Variants in SS18L1 observed in about 807,000 individuals in gnomAD.
SS18L1 encodes SS18L1 subunit of BAF chromatin remodeling complex.
A neutral mutation model predicts 70.3 loss-of-function variants in SS18L1; 32 were observed. The observed-to-expected ratio is 0.46, with a 90% CI of 0.34 to 0.61. The LOEUF (loss-of-function observed/expected upper bound fraction) is 0.61, where lower values mean the gene tolerates loss of function less well. Ranked by LOEUF, SS18L1 falls within the 20% of genes least tolerant of loss-of-function variation. The probability of loss-of-function intolerance (pLI) is 0.01; values close to 1 mark genes in which losing one functional copy is unlikely to be tolerated. For missense variants in SS18L1, 430 were observed against 542.1 expected (o/e 0.79, Z 2.05); for synonymous variants, 237 against 229.7 (o/e 1.03, Z -0.29).
chr20:62,174,017 TAAA>T lies in SS18L1; in HGVS notation c.1037-485_1037-483del, dbSNP rs59638414. Among the ~76,000 whole-genome samples the T allele has an allele frequency of 4.5e-5, 6 of 133,826 alleles. No homozygotes were observed. The Admixed American group carries it at 4.5e-4, about 10-fold the overall frequency. The allele number at this position is 133,826 out of a possible 152,430, so 87.8% of individuals were successfully genotyped here. The stretch of plus-strand genomic sequence containing the variant: ...TTGGGTGACAGAGTGACACCCTGCC[TAAA>T]AAAAAAAAAAAAAATTGGCCTCTAT... On this transcript the variant is annotated intron_variant, in intron 9 of 10. Coordinates refer to ENST00000331758, the MANE Select transcript of SS18L1 (RefSeq NM_198935.3). This position sits in a 1 kb window ranked among gnomAD's most constrained non-coding sequence, Gnocchi z 4.1.
Position 62,180,911 on chromosome 20 carries a change from T to A in SS18L1, c.*1703T>A, listed in dbSNP as rs1167513408. The A allele has an allele frequency of 5.8e-6, 1 of 172,518 alleles. No individual in the cohort carries two copies. Among genetic ancestry groups the A allele is most frequent in the Admixed American group, 6.4e-5 (1 of 15,676 alleles). The allele number at this position is 172,518 out of a possible 1,614,324, so 10.7% of individuals were successfully genotyped here. On this transcript the variant is annotated 3_prime_UTR_variant, in exon 11 of 11. Coordinates refer to ENST00000331758, the MANE Select transcript of SS18L1 (RefSeq NM_198935.3). ...ATTCCGTCTCAAAAAAATAAATAAA[T>A]AAATAAATAAATAAGTTAAAATTAA...
rs1216505929 is a variant in SS18L1 at position 62,174,638 on chromosome 20, T to C, written c.1158T>C (p.Tyr386=). 2.5e-6 allele frequency: 4 copies of C among 1,613,570 alleles called. No individual in the cohort carries two copies. The East Asian group carries it at 6.7e-5, about 27-fold the overall frequency. ...CCCAGCAGCAGCGGCCCTACGGCTA[T>C]GAACAGGCAAGCTTTCTGGATGTTT... The part of the protein sequence containing the change: ...PSAQQQRPYG[Y]EQGQYGNYQQ The change falls in exon 10 of 11, where the codon TAT becomes TAC. Residue 386 remains tyrosine, a synonymous_variant. Transcript: ENST00000331758. This position sits in a 1 kb window ranked among gnomAD's most constrained non-coding sequence, Gnocchi z 4.1.
At chr20:62,167,911 G>A (rs967802360) in intron 8 of SS18L1, among the ~76,000 whole-genome samples, 1 of 151,184 alleles carries the variant, frequency 6.6e-6, no homozygotes, top group African/African-American at 2.4e-5. Context: ...GAAATCCCAG[G>A]CTCAAGTGAT....
rs1329285413 is a variant in SS18L1, at chr20:62,164,182, T to C, written c.759T>C (p.Tyr253=). ...SQQYLGQEEY[Y]GEQYSHSQGA... is the part of the protein sequence containing the mutation. ...AGTACCTGGGCCAGGAGGAGTACTA[T>C]GGCGAGCAGTACAGCCACAGCCAGG... The change falls in exon 7 of 11, where the codon TAT becomes TAC. Residue 253 remains tyrosine, a synonymous_variant. Transcript: ENST00000331758. 1 of 1,549,984 alleles carries C rather than the reference T, an allele frequency of 6.5e-7. No individual in the cohort carries two copies. Among genetic ancestry groups the C allele is most frequent in the East Asian group, 2.4e-5 (1 of 40,912 alleles).
At chr20:62,150,528 A>G (rs1350160446) in intron 1 of SS18L1, among the ~76,000 whole-genome samples, 1 of 148,622 alleles carries the variant, frequency 6.7e-6, no homozygotes, top group East Asian at 2.2e-4. Context: ...CCCTGCATGT[A>G]GTGGCAGAAG....
Position 62,174,513 on chromosome 20 carries a change from T to C in SS18L1, c.1037-4T>C. On this transcript the variant is annotated splice_polypyrimidine_tract_variant and splice_region_variant and intron_variant, in intron 9 of 10. Transcript: ENST00000331758. The surrounding 1 kb of genome is among the most constrained non-coding windows in gnomAD (Gnocchi z 4.1). ...CGGCCTCACGGTTCCTGGTGTCTTC[T>C]CAGGGTCTGCCCAGGGAGCCCCGTC... 1 of 1,613,602 alleles carries C rather than the reference T, an allele frequency of 6.2e-7. No homozygotes were observed. Among genetic ancestry groups the C allele is most frequent in the Non-Finnish European group, 8.5e-7 (1 of 1,179,740 alleles).
At chr20:62,164,480 G>A (rs540033843) in intron 7 of SS18L1, among the ~76,000 whole-genome samples, 36 of 152,350 alleles carry the variant, frequency 2.4e-4, no homozygotes, top group African/African-American at 5.5e-4. Context: ...GGCACACACC[G>A]CTGCACTGGC....
intron 7 of SS18L1, among the ~76,000 whole-genome samples, chr20:62,164,700 C>T (rs905011565): frequency 6.6e-6 from 1 of 152,196 alleles, no homozygotes. Flanking sequence ...ACCTTTCAGT[C>T]TTTGCATAGT....
At chr20:62,148,006 G>A (rs1052142776) in intron 1 of SS18L1, among the ~76,000 whole-genome samples, 1 of 152,208 alleles carries the variant, frequency 6.6e-6, no homozygotes, top group Non-Finnish European at 1.5e-5. Flanking sequence ...GTGTTTGTAA[G>A]GTTAAAGCTG....
chr20:62,156,146 G>GC (rs1411095006), intron 1 of SS18L1, among the ~76,000 whole-genome samples: 3 of 152,210 alleles, frequency 2.0e-5, no homozygotes, highest in East Asian at 3.9e-4. Flanking sequence ...AGTGGCTTGC[G>GC]CCCCCCGGCC....
intron 10 of SS18L1, among the ~76,000 whole-genome samples, chr20:62,176,067 G>A (rs1170792760): frequency 1.3e-5 from 2 of 152,384 alleles, no homozygotes; most frequent in Non-Finnish European, 2.9e-5. Context: ...TCTGCATCCT[G>A]ATGTTAAATT....
At chr20:62,175,207 G>GT in intron 10 of SS18L1, 1 of 979,820 alleles carries the variant, frequency 1.0e-6, no homozygotes, top group Non-Finnish European at 1.2e-6. Flanking sequence ...CCCAGGAACA[G>GT]TGAGCAGGGC....
chr20:62,146,915 C>T (rs1426288810), intron 1 of SS18L1, among the ~76,000 whole-genome samples: 1 of 152,138 alleles, frequency 6.6e-6, no homozygotes, highest in Non-Finnish European at 1.5e-5. Flanking sequence ...CATGAGCCAC[C>T]ATGCCTGGCC....
intron 1 of SS18L1, among the ~76,000 whole-genome samples, chr20:62,145,701 A>G (rs746088978): frequency 1.3e-5 from 2 of 152,198 alleles, no homozygotes; most frequent in African/African-American, 2.4e-5. Flanking sequence ...CCTGCTGACC[A>G]TTGGAAATAG....
In SS18L1 at chr20:62,158,047, G is replaced by C. The variant is rs572547773; in HGVS notation, c.70-625G>C. Among the ~76,000 whole-genome samples the C allele has an allele frequency of 7.2e-4, 110 of 152,282 alleles. No homozygotes were observed. Among genetic ancestry groups the C allele is most frequent in the African/African-American group, 2.6e-3 (107 of 41,552 alleles). On this transcript the variant is annotated intron_variant, in intron 1 of 10. Coordinates refer to ENST00000331758, the MANE Select transcript of SS18L1 (RefSeq NM_198935.3). The surrounding 1 kb of genome is among the most constrained non-coding windows in gnomAD (Gnocchi z 4.5). ...TCCTTGGGAGGGGGCAGTTACCTGTGCCCCACCCTGTGTGGTTGCAATTCG... is the reference window on the plus strand; with the variant it reads ...TCCTTGGGAGGGGGCAGTTACCTGTCCCCCACCCTGTGTGGTTGCAATTCG...
chr20:62,163,303 C>CG (rs1180487830), intron 5 of SS18L1, among the ~76,000 whole-genome samples, 155 bp from the exon 6 acceptor site: 2 of 151,080 alleles, frequency 1.3e-5, no homozygotes, highest in Non-Finnish European at 3.0e-5. Flanking sequence ...GTGCAGGCCA[C>CG]GTAGGGGAGG....
At chr20:62,162,135 A>G (rs1185012040) in intron 4 of SS18L1, among the ~76,000 whole-genome samples, 1 of 152,246 alleles carries the variant, frequency 6.6e-6, no homozygotes, top group East Asian at 1.9e-4. Context: ...GACTGAGGAG[A>G]GAGGGTCACT....
intron 8 of SS18L1, among the ~76,000 whole-genome samples, chr20:62,171,197 C>T (rs867537334): frequency 3.3e-5 from 5 of 151,914 alleles, no homozygotes; most frequent in Non-Finnish European, 5.9e-5. Flanking sequence ...CCACCGCACC[C>T]GGCCACAAAC....
At chr20:62,171,890 C>G (rs982592660) in intron 8 of SS18L1, among the ~76,000 whole-genome samples, 4 of 152,044 alleles carry the variant, frequency 2.6e-5, no homozygotes, top group Non-Finnish European at 4.4e-5. Flanking sequence ...TGGTCGGGCA[C>G]CGTGGCTCAC....
Sources: gnomAD v4.1 joint callset for allele counts (sites outside exome capture counted in the v4.1 genomes callset) on GRCh38, gnomAD v4.1.1 for gene constraint, Gnocchi (gnomAD v3.1) non-coding constraint, MANE v1.5 for transcripts, NCBI Gene and HGNC (gene_info 2026-07-23, HGNC 2026-07-21) for gene names.